BIN3: variants seen among roughly 807,000 people sequenced by gnomAD.
BIN3 encodes bridging integrator 3.
In BIN3, 41 loss-of-function variants were observed where a neutral mutation model predicts 38.2. The ratio of observed to expected loss-of-function variants is 1.07; its 90% CI spans 0.84 to 1.39. The LOEUF (loss-of-function observed/expected upper bound fraction) is 1.39. Among genes scored for constraint, BIN3 ranks in the 40% most tolerant of loss-of-function variants. The pLI is 0.00. For missense variants in BIN3, 361 were observed against 324.3 expected, an observed-to-expected ratio of 1.11 and a Z score of -0.87; for synonymous variants, 145 against 122.6, an observed-to-expected ratio of 1.18 and a Z score of -1.21.
chr8:22,644,303 C>T (rs1802649979), intron 2 of BIN3, among the ~76,000 whole-genome samples: 1 of 152,342 alleles, frequency 6.6e-6, no homozygotes, highest in East Asian at 1.9e-4. Flanking sequence ...GCCAAGAATG[C>T]ATTTGGAAGT....
intron 1 of BIN3, among the ~76,000 whole-genome samples, chr8:22,648,204 TCA>T (rs546435953): frequency 1.2e-3 from 181 of 150,380 alleles, no homozygotes; most frequent in African/African-American, 3.2e-3. Context: ...TTGCCCACCC[TCA>T]GTTTCCCCTT....
chr8:22,648,471 T>C (rs1205599558), intron 1 of BIN3, among the ~76,000 whole-genome samples: 1 of 152,168 alleles, frequency 6.6e-6, no homozygotes, highest in Non-Finnish European at 1.5e-5. Flanking sequence ...TTTTACAGAA[T>C]GCCAACTTGG....
intron 6 of BIN3, among the ~76,000 whole-genome samples, chr8:22,626,895 C>T (rs1276357592): frequency 6.6e-6 from 1 of 152,172 alleles, no homozygotes; most frequent in African/African-American, 2.4e-5. Context: ...AGAGTCAGAG[C>T]CACCAGGAGC....
intron 1 of BIN3, among the ~76,000 whole-genome samples, chr8:22,663,306 T>C (rs1261432625): frequency 6.6e-6 from 1 of 151,404 alleles, no homozygotes; most frequent in Non-Finnish European, 1.5e-5. Flanking sequence ...GTGTGGTGGC[T>C]AACACTTATA....
intron 5 of BIN3, 83 bp from the exon 6 acceptor site, chr8:22,630,087 G>C: frequency 7.2e-7 from 1 of 1,387,788 alleles, no homozygotes; most frequent in Non-Finnish European, 1.0e-6. Context: ...CTACCAAAGG[G>C]CTAGGAAGTC....
intron 1 of BIN3, among the ~76,000 whole-genome samples, chr8:22,649,092 TTCAC>T (rs1802802708): frequency 6.6e-6 from 1 of 152,218 alleles, no homozygotes; most frequent in African/African-American, 2.4e-5. Context: ...ACTTTTCCTA[TTCAC>T]TCAGTACAAC....
intron 1 of BIN3, among the ~76,000 whole-genome samples, chr8:22,652,471 G>A (rs1802933112): frequency 6.6e-6 from 1 of 152,254 alleles, no homozygotes; most frequent in South Asian, 2.1e-4. Flanking sequence ...GGCAATGGAA[G>A]AGCCTGCGTG....
At chr8:22,648,003 C>T (rs983695763) in intron 1 of BIN3, among the ~76,000 whole-genome samples, 10 of 151,836 alleles carry the variant, frequency 6.6e-5, no homozygotes, top group East Asian at 1.9e-4. Flanking sequence ...GGCATGGTGG[C>T]GGGCACCTGT....
chr8:22,640,168 G>A (rs6993093), intron 2 of BIN3, among the ~76,000 whole-genome samples: 37,937 of 151,392 alleles, frequency 0.25, 5,839 homozygotes, highest in East Asian at 0.45. Flanking sequence ...CAGCCTGCTG[G>A]ACACATCCTT....
chr8:22,623,800 G>T, intron 8 of BIN3, 115 bp downstream of exon 8: 1 of 1,316,488 alleles, frequency 7.6e-7, no homozygotes. Flanking sequence ...GCTTTGCCTG[G>T]GGTGGGTGCC....
In BIN3 at chr8:22,623,986, C is replaced by T; in HGVS notation, c.544G>A (p.Glu182Lys). Residue 182 changes from glutamate to lysine, a missense_variant, in exon 8 of 9, where the codon GAG becomes AAG. By Grantham distance (56) the Glu-to-Lys change is moderately conservative. Transcript: ENST00000276416. Reference protein sequence around the residue: ...FEAKNRQLLEEMPRFYGSRLD... With the variant: ...FEAKNRQLLEKMPRFYGSRLD... ...CGGCTGCCGTAGAAGCGCGGCATCT[C>T]CTCCAGCAGCTGCCTGTTCTTGGCT... is the stretch of plus-strand genomic sequence containing the variant. 6.2e-7 allele frequency: 1 copy of T among 1,612,762 alleles called. No individual in the cohort carries two copies. The highest frequency in any genetic ancestry group is 8.5e-7 in the Non-Finnish European group (1 of 1,179,698).
chr8:22,626,783 C>CAGGATGGGAGGAGCCG (rs1802019845), intron 6 of BIN3, among the ~76,000 whole-genome samples: 1 of 151,990 alleles, frequency 6.6e-6, no homozygotes, highest in African/African-American at 2.4e-5. Flanking sequence ...GGGAGGAGCC[C>CAGGATGGGAGGAGCCG]TATGCTCGTT....
chr8:22,662,799 G>GA (rs943943798), intron 1 of BIN3, among the ~76,000 whole-genome samples: 1 of 151,196 alleles, frequency 6.6e-6, no homozygotes, highest in African/African-American at 2.4e-5. Flanking sequence ...ACCTCAGGAA[G>GA]AAAAAAAGAA....
chr8:22,623,007 C>T (rs1167024757), intron 8 of BIN3, among the ~76,000 whole-genome samples: 3 of 152,194 alleles, frequency 2.0e-5, no homozygotes, highest in Non-Finnish European at 4.4e-5. Flanking sequence ...ACTGGCCAGG[C>T]TTCACGGCTG....
At chr8:22,645,298 C>CAA (rs113918512) in intron 1 of BIN3, among the ~76,000 whole-genome samples, 5 of 144,356 alleles carry the variant, frequency 3.5e-5, no homozygotes, top group South Asian at 2.2e-4. Context: ...GATCCTATCT[C>CAA]AAAAAAAAAA....
At chr8:22,644,634 G>A (rs1802658454) in intron 2 of BIN3, 121 bp downstream of exon 2, 2 of 925,228 alleles carry the variant, frequency 2.2e-6, no homozygotes, top group Non-Finnish European at 3.4e-6. Flanking sequence ...GCATAAGCAG[G>A]AAGAAGGCCC....
intron 1 of BIN3, among the ~76,000 whole-genome samples, chr8:22,647,116 C>T (rs1329798971): frequency 6.6e-6 from 1 of 152,186 alleles, no homozygotes; most frequent in Admixed American, 6.5e-5. Context: ...GTTGGAATCC[C>T]TTCAGCTTAT....
chr8:22,658,242 T>A (rs554172903), intron 1 of BIN3, among the ~76,000 whole-genome samples: 1 of 152,238 alleles, frequency 6.6e-6, no homozygotes, highest in South Asian at 2.1e-4. Flanking sequence ...ACCCTCCTCT[T>A]CTCCAACCCC....
At chr8:22,646,945 C>T (rs1236131348) in intron 1 of BIN3, among the ~76,000 whole-genome samples, 1 of 152,162 alleles carries the variant, frequency 6.6e-6, no homozygotes, top group East Asian at 1.9e-4. Context: ...GTCCCAGTGG[C>T]ATTGCAGACA....
Sources: gnomAD v4.1 joint callset for allele counts (sites outside exome capture counted in the v4.1 genomes callset) on GRCh38, gnomAD v4.1.1 for gene constraint, MANE v1.5 for transcripts, NCBI Gene and HGNC (gene_info 2026-07-23, HGNC 2026-07-21) for gene names.